Variants in MED12L observed in about 807,000 individuals in gnomAD.
MED12L encodes the protein mediator of RNA polymerase II transcription subunit 12-like protein.
A neutral mutation model predicts 281.3 loss-of-function variants in MED12L; 60 were observed. The observed-to-expected ratio is 0.21, with a 90% CI of 0.17 to 0.26. MED12L has a LOEUF of 0.26. Ranked by LOEUF, MED12L falls within the 10% of genes least tolerant of loss-of-function variation. The pLI is 1.00. For missense variants in MED12L, 2,146 were observed against 2,680.9 expected (o/e 0.80, Z 4.41); for synonymous variants, 974 against 987.2 (o/e 0.99, Z 0.25).
At chr3:151,199,843 T>C (rs1199179517) in intron 16 of MED12L, among the ~76,000 whole-genome samples, 2 of 152,130 alleles carry the variant, frequency 1.3e-5, no homozygotes, top group African/African-American at 4.8e-5. Flanking sequence ...TTTTTCTTGT[T>C]TTAGTTTTTT....
intron 16 of MED12L, among the ~76,000 whole-genome samples, chr3:151,204,639 T>C (rs1235450795): frequency 6.6e-6 from 1 of 152,206 alleles, no homozygotes; most frequent in African/African-American, 2.4e-5. Flanking sequence ...AAGATATATT[T>C]GCAGACAAGT....
Position 151,434,986 on chromosome 3 carries a change from G to T in MED12L, c.*2182G>T, listed in dbSNP as rs1390814559. 2 of 147,820 alleles carry T rather than the reference G, an allele frequency of 1.4e-5. No individual in the cohort carries two copies. The highest frequency in any genetic ancestry group is 5.0e-5 in the African/African-American group (2 of 39,802). The allele number at this position is 147,820 out of a possible 1,614,324, so 9.2% of individuals were successfully genotyped here. A position where few individuals can be genotyped will look rare whatever the true frequency, so the allele number is the denominator to read the frequency against. On this transcript the variant is annotated 3_prime_UTR_variant, in exon 45 of 45. Coordinates refer to ENST00000687756, the MANE Select transcript of MED12L (RefSeq NM_001393769.1). ...TTGAGGAATGCTGTTTTACCCCTGC[G>T]CATTATAAAGAAAATAACTAGAATT...
In MED12L at chr3:151,192,597, C is replaced by T. The variant is rs1025505250; in HGVS notation, c.2016C>T (p.Asn672=). 9.1e-6 allele frequency: 14 copies of T among 1,536,264 alleles called. No homozygotes were observed. Among genetic ancestry groups the T allele is most frequent in the Middle Eastern group, 1.7e-4 (1 of 6,016 alleles). The change falls in exon 15 of 45, where the codon AAC becomes AAT. Residue 672 remains asparagine (N), a synonymous_variant. Transcript: ENST00000687756. The part of the protein sequence containing the change: ...AHMGIDSGTT[N]IFDEVDKSDF... ...TGGGCATTGACTCAGGAACCACTAA[C>T]ATTTTTGATGAAGTAGACAAGAGTG...
intron 17 of MED12L, among the ~76,000 whole-genome samples, chr3:151,354,519 G>C (rs1753679356): frequency 6.6e-6 from 1 of 152,148 alleles, no homozygotes; most frequent in Non-Finnish European, 1.5e-5. Context: ...CTCCAAAGAA[G>C]ATGCCAAGCA....
At chr3:151,148,269 T>G (rs1489393533) in intron 5 of MED12L, among the ~76,000 whole-genome samples, 5 of 152,234 alleles carry the variant, frequency 3.3e-5, no homozygotes, top group Admixed American at 3.3e-4. Flanking sequence ...TTATATATGA[T>G]TTGAAATATT....
chr3:151,278,994 C>G (rs1411518852), intron 16 of MED12L, among the ~76,000 whole-genome samples: 3 of 152,172 alleles, frequency 2.0e-5, no homozygotes, highest in African/African-American at 7.2e-5. Context: ...TGCTGTGTTA[C>G]TATTTTGAAA....
chr3:151,365,841 CT>C lies in MED12L; in HGVS notation c.3186-5del. 18 of 1,599,486 alleles carry C rather than the reference CT, an allele frequency of 1.1e-5. No homozygotes were observed. The highest frequency in any genetic ancestry group is 1.4e-5 in the Non-Finnish European group (17 of 1,173,908). ...AGGTTACTTTCTGTGTCTTCTTTTT[CT>C]TTTCTAGGATTAACGACATAGCCAA... On this transcript the variant is annotated splice_polypyrimidine_tract_variant and splice_region_variant and intron_variant, in intron 22 of 44. Coordinates refer to ENST00000687756, the MANE Select transcript of MED12L (RefSeq NM_001393769.1).
At chr3:151,291,353 A>T (rs955758532) in intron 16 of MED12L, among the ~76,000 whole-genome samples, 1 of 152,138 alleles carries the variant, frequency 6.6e-6, no homozygotes, top group Non-Finnish European at 1.5e-5. Flanking sequence ...AAATACTATT[A>T]TACAATTTCA....
chr3:151,299,356 C>CTTTCTTTTCTTTTCTTTTTTCT (rs1745558806), intron 16 of MED12L, among the ~76,000 whole-genome samples: 1 of 94,352 alleles, frequency 1.1e-5, no homozygotes, highest in Non-Finnish European at 2.1e-5. Flanking sequence ...TTCCTTCCTT[C>CTTTCTTTTCTTTTCTTTTTTCT]TTTCTTTTCT....
intron 40 of MED12L, 39 bp from the exon 41 acceptor site, chr3:151,411,239 A>C (rs760051076): frequency 1.8e-5 from 28 of 1,567,208 alleles, no homozygotes; most frequent in Non-Finnish European, 2.5e-5. Flanking sequence ...CTAGGTGATA[A>C]GTTGAAACAT....
intron 16 of MED12L, among the ~76,000 whole-genome samples, chr3:151,206,642 C>T (rs373358364): frequency 2.9e-3 from 207 of 70,284 alleles, no homozygotes; most frequent in Admixed American, 4.1e-3. Flanking sequence ...AACACATTAT[C>T]TTTTTTTTTT....
intron 5 of MED12L, among the ~76,000 whole-genome samples, chr3:151,131,339 G>A (rs985206648): frequency 6.6e-6 from 1 of 152,196 alleles, no homozygotes; most frequent in Non-Finnish European, 1.5e-5. Flanking sequence ...GGTGGCTCAT[G>A]CCTATAATCC....
chr3:151,413,273 G>C lies in MED12L; in HGVS notation c.6275G>C (p.Arg2092Pro). Residue 2092 changes from arginine (R) to proline (P), a missense_variant, in exon 42 of 45, where the codon CGA (arginine) becomes CCA (proline). Arg to Pro is a moderately radical substitution (Grantham distance 103). This residue lies in a region of MED12L where 496 missense variants were observed against 512.0 expected (regional missense o/e 0.97). Transcript: ENST00000687756. ...ATGAGACCCAGACAGCCGCAAGTTC[G>C]ACAGCAGCAGAGACTCCTCCAGGTA... ...DPMRPRQPQV[R>P]QQQRLLQMQQ... 6.2e-7 allele frequency: 1 copy of C among 1,614,066 alleles called. No homozygotes were observed. The highest frequency in any genetic ancestry group is 8.5e-7 in the Non-Finnish European group (1 of 1,179,974).
intron 9 of MED12L, among the ~76,000 whole-genome samples, 167 bp downstream of exon 9, chr3:151,164,209 A>G (rs1312502424): frequency 2.6e-5 from 4 of 152,178 alleles, no homozygotes; most frequent in Non-Finnish European, 5.9e-5. Context: ...CTTCAGAACC[A>G]CTGAAATTCT....
In MED12L at chr3:151,222,069, C is replaced by T. The variant is rs1018448658; in HGVS notation, c.2250+28403C>T. 2.6e-5 allele frequency among the ~76,000 whole-genome samples: 4 copies of T among 152,186 alleles called. No homozygotes were observed. In the East Asian group the frequency reaches 5.8e-4, roughly 22 times the overall value. ...CAAAGGAGATCGTTTGGGAAGTTTA[C>T]GATTTGACTGTCCTGCTGGATTTTG... On this transcript the variant is annotated intron_variant, in intron 16 of 44. Transcript: ENST00000687756.
At chr3:151,295,899 C>A (rs572194464) in intron 16 of MED12L, among the ~76,000 whole-genome samples, 1 of 152,308 alleles carries the variant, frequency 6.6e-6, no homozygotes, top group East Asian at 1.9e-4. Flanking sequence ...TCTCTGAAAT[C>A]TGTTTTCACC....
intron 11 of MED12L, among the ~76,000 whole-genome samples, chr3:151,183,454 G>T (rs576883652): frequency 1.3e-5 from 2 of 152,220 alleles, no homozygotes; most frequent in African/African-American, 4.8e-5. Context: ...TTTCAGAATC[G>T]TGTGTGCTGT....
intron 3 of MED12L, among the ~76,000 whole-genome samples, chr3:151,121,728 A>ATTTTT (rs1713785339): frequency 6.6e-6 from 1 of 151,752 alleles, no homozygotes; most frequent in East Asian, 1.9e-4. Flanking sequence ...TTTTATTTTT[A>ATTTTT]TTTTTGAGAT....
chr3:151,193,625 C>T lies in MED12L; in HGVS notation c.2209C>T (p.Leu737Phe). 6.2e-7 allele frequency: 1 copy of T among 1,614,092 alleles called. No homozygotes were observed. Among genetic ancestry groups the T allele is most frequent in the Non-Finnish European group, 8.5e-7 (1 of 1,179,984 alleles). Residue 737 changes from leucine (L) to phenylalanine (F), a missense_variant, in exon 16 of 45, where the codon CTT becomes TTT. Around this residue, in one of 9 missense-constraint regions of MED12L, gnomAD observed 722 missense variants for 861.2 expected, o/e 0.84. Coordinates refer to ENST00000687756, the MANE Select transcript of MED12L (RefSeq NM_001393769.1). ...ELIFPSNYDLLRHLQYATHFP... is the reference protein window; with the variant it reads ...ELIFPSNYDLFRHLQYATHFP... ...AATTTTTCCATCTAATTATGACCTC[C>T]TTCGCCACTTACAGTATGCAACACA...
Sources: allele counts gnomAD v4.1 joint callset (sites outside exome capture counted in the v4.1 genomes callset), GRCh38; gene constraint gnomAD v4.1.1; regional missense constraint gnomAD v4.1.1; transcripts MANE v1.5; gene names NCBI Gene and HGNC (gene_info 2026-07-23, HGNC 2026-07-21).